SLBP: variants seen among roughly 807,000 people sequenced by gnomAD.
The protein encoded by SLBP is stem-loop histone mRNA binding protein, also known as histone RNA hairpin-binding protein.
A neutral mutation model predicts 39.2 loss-of-function variants in SLBP; 29 were observed. The ratio of observed to expected loss-of-function variants is 0.74; its 90% CI spans 0.55 to 1.01. SLBP has a LOEUF of 1.01. Among genes scored for constraint, SLBP ranks in the 50% least tolerant of loss-of-function variants. SLBP has a pLI of 0.00. For missense variants in SLBP, 390 were observed against 350.2 expected, an observed-to-expected ratio of 1.11 and a Z score of -0.91; for synonymous variants, 129 against 118.7, an observed-to-expected ratio of 1.09 and a Z score of -0.57.
intron 3 of SLBP, among the ~76,000 whole-genome samples, chr4:1,700,327 A>G (rs983824219): frequency 1.3e-5 from 2 of 152,170 alleles, no homozygotes; most frequent in Admixed American, 1.3e-4. Context: ...TAAAAACACC[A>G]AACTTACTAA....
intron 2 of SLBP, among the ~76,000 whole-genome samples, chr4:1,706,073 T>C (rs535441171): frequency 2.8e-4 from 43 of 152,152 alleles, no homozygotes; most frequent in Non-Finnish European, 5.4e-4. Flanking sequence ...TGACCCAAGG[T>C]AAGGAGTTTG....
At chr4:1,708,070 C>T (rs1227949829) in intron 2 of SLBP, among the ~76,000 whole-genome samples, 2 of 142,826 alleles carry the variant, frequency 1.4e-5, no homozygotes, top group African/African-American at 5.3e-5. Context: ...CAGAGCAAGA[C>T]TCTATCTCAA....
chr4:1,704,494 C>T (rs1227127997), intron 2 of SLBP, among the ~76,000 whole-genome samples: 1 of 152,096 alleles, frequency 6.6e-6, no homozygotes, highest in African/African-American at 2.4e-5. Context: ...AGGATTGTGA[C>T]AATATTGCCT....
intron 2 of SLBP, 36 bp downstream of exon 2, chr4:1,711,837 GC>G: frequency 8.7e-7 from 1 of 1,154,968 alleles, no homozygotes; most frequent in East Asian, 3.2e-5. Context: ...CTCGTCAAGG[GC>G]CCCACCGCGC....
intron 2 of SLBP, among the ~76,000 whole-genome samples, chr4:1,710,580 G>GA (rs1716712780): frequency 1.3e-5 from 2 of 152,154 alleles, no homozygotes; most frequent in Non-Finnish European, 2.9e-5. Context: ...ATTTAAAAGA[G>GA]AAAAGTAGGT....
At chr4:1,695,482 G>A (rs546877326) in intron 6 of SLBP, among the ~76,000 whole-genome samples, 1 of 152,284 alleles carries the variant, frequency 6.6e-6, no homozygotes, top group Non-Finnish European at 1.5e-5. Context: ...TCAGGCCTGA[G>A]ACATTTCAAC....
intron 6 of SLBP, among the ~76,000 whole-genome samples, chr4:1,695,219 G>GA: frequency 6.6e-6 from 1 of 152,244 alleles, no homozygotes; most frequent in East Asian, 1.9e-4. Context: ...CACACTGGGG[G>GA]AAAAAACCCA....
Position 1,700,005 on chromosome 4 carries a change from CT to C in SLBP, c.341+5del. ...ATTAGAAAAGAAACATTTACACAGC[CT>C]TTACCTTCCTGATGATGATTTTCTC... is the stretch of plus-strand genomic sequence containing the variant. On this transcript the variant is annotated splice_donor_5th_base_variant and intron_variant, in intron 4 of 7. Coordinates refer to ENST00000489418, the MANE Select transcript of SLBP (RefSeq NM_006527.4). 6.3e-7 allele frequency: 1 copy of C among 1,585,928 alleles called. No homozygotes were observed. The highest frequency in any genetic ancestry group is 8.6e-7 in the Non-Finnish European group (1 of 1,161,896).
At chr4:1,706,379 T>C (rs1354946272) in intron 2 of SLBP, among the ~76,000 whole-genome samples, 4 of 152,228 alleles carry the variant, frequency 2.6e-5, no homozygotes, top group African/African-American at 4.8e-5. Context: ...GATTACAATG[T>C]GTATGGAGGA....
chr4:1,711,874 C>CTCTCGG lies in SLBP; in HGVS notation c.170_175dup (p.Glu58_Ser59insThrGlu). ...CCCGACCCCCGGGTCCCGCGCCCACCTCTCGGGTCTGCGCTCGGCGCCGCG... is the reference window on the plus strand; with the variant it reads ...CCCGACCCCCGGGTCCCGCGCCCACCTCTCGGTCTCGGGTCTGCGCTCGGCGCCGCG... On this transcript the variant is annotated inframe_insertion and splice_region_variant, in exon 2 of 8. Transcript: ENST00000489418. The CTCTCGG allele has an allele frequency of 7.5e-7, 1 of 1,339,858 alleles. No homozygotes were observed. The highest frequency in any genetic ancestry group is 9.6e-7 in the Non-Finnish European group (1 of 1,044,854). 83.0% of individuals were successfully genotyped at this position (1,339,858 alleles called of 1,614,324 possible).
chr4:1,706,106 G>A (rs939140339), intron 2 of SLBP, among the ~76,000 whole-genome samples: 4 of 152,166 alleles, frequency 2.6e-5, no homozygotes, highest in South Asian at 2.1e-4. Context: ...CTAACATGGC[G>A]AAACCCCATC....
At chr4:1,709,171 C>T (rs1450482240) in intron 2 of SLBP, among the ~76,000 whole-genome samples, 1 of 151,874 alleles carries the variant, frequency 6.6e-6, no homozygotes, top group Non-Finnish European at 1.5e-5. Context: ...TCAAGGGATT[C>T]TCCTGCCTCA....
chr4:1,694,670 C>T (rs567250840), intron 7 of SLBP, 104 bp downstream of exon 7: 70 of 823,490 alleles, frequency 8.5e-5, no homozygotes, highest in Non-Finnish European at 1.4e-4. Context: ...GGATTACAGG[C>T]GTGAGCCACC....
chr4:1,711,516 T>G (rs752966623), intron 2 of SLBP, among the ~76,000 whole-genome samples: 1 of 152,126 alleles, frequency 6.6e-6, no homozygotes, highest in Non-Finnish European at 1.5e-5. Flanking sequence ...GCCAAGCAGG[T>G]AAGCCCTGTC....
At chr4:1,705,269 G>C (rs1716476179) in intron 2 of SLBP, among the ~76,000 whole-genome samples, 1 of 152,186 alleles carries the variant, frequency 6.6e-6, no homozygotes, top group Non-Finnish European at 1.5e-5. Context: ...GAGAAGAATT[G>C]TCTTCTGTTC....
intron 2 of SLBP, among the ~76,000 whole-genome samples, chr4:1,709,613 CTT>C (rs35077844): frequency 9.9e-5 from 14 of 141,022 alleles, no homozygotes; most frequent in Admixed American, 3.6e-4. Flanking sequence ...ACATCTACTT[CTT>C]TTTTTTTTTT....
intron 2 of SLBP, among the ~76,000 whole-genome samples, chr4:1,704,926 CTTT>C (rs111864211): frequency 1.4e-5 from 2 of 146,924 alleles, no homozygotes; most frequent in African/African-American, 2.5e-5. Context: ...CTGACCCATT[CTTT>C]TTTTTTTTTC....
At chr4:1,698,839 G>A (rs554115217) in intron 5 of SLBP, among the ~76,000 whole-genome samples, 9 of 151,878 alleles carry the variant, frequency 5.9e-5, no homozygotes, top group South Asian at 2.1e-4. Context: ...AGCCCAGGCT[G>A]GAGTGCAGTG....
At chr4:1,699,291 A>G (rs1716236820) in intron 5 of SLBP, among the ~76,000 whole-genome samples, 1 of 152,218 alleles carries the variant, frequency 6.6e-6, no homozygotes, top group African/African-American at 2.4e-5. Flanking sequence ...GTATTTTAAT[A>G]AGCTTACATC....
Sources: allele counts gnomAD v4.1 joint callset (sites outside exome capture counted in the v4.1 genomes callset), GRCh38; gene constraint gnomAD v4.1.1; transcripts MANE v1.5; gene names NCBI Gene and HGNC (gene_info 2026-07-23, HGNC 2026-07-21).